The following MYO10 variants were observed in gnomAD, a reference collection of about 807,000 sequenced individuals.
MYO10 encodes myosin X, also known as unconventional myosin-X.
In MYO10, 133 loss-of-function variants were observed where a neutral mutation model predicts 257.3. The observed-to-expected ratio is 0.52, with a 90% CI of 0.45 to 0.60. MYO10 has a LOEUF of 0.60. Among genes scored for constraint, MYO10 ranks in the 20% least tolerant of loss-of-function variants. MYO10 has a pLI of 0.00. For synonymous variants in MYO10, 1,104 were observed against 1,028.6 expected (o/e 1.07, Z -1.40); for missense variants, 2,399 against 2,635.7 (o/e 0.91, Z 1.97).
At chr5:16,757,652 A>G (rs1481809592) in intron 18 of MYO10, among the ~76,000 whole-genome samples, 2 of 152,010 alleles carry the variant, frequency 1.3e-5, no homozygotes, top group African/African-American at 4.8e-5. Flanking sequence ...GAAAAAGTCT[A>G]TTTTATTTCT....
At chr5:16,773,723 T>C (rs1189155060) in intron 9 of MYO10, among the ~76,000 whole-genome samples, 2 of 150,090 alleles carry the variant, frequency 1.3e-5, no homozygotes, top group Non-Finnish European at 3.0e-5. Context: ...ATAAAAAATA[T>C]TGACACATAT....
chr5:16,880,055 C>T (rs1744714350), intron 1 of MYO10, among the ~76,000 whole-genome samples: 1 of 152,182 alleles, frequency 6.6e-6, no homozygotes, highest in Admixed American at 6.5e-5. Context: ...TGGCGCATGC[C>T]TGTAATCCCA....
chr5:16,792,132 C>CAG (rs1553996647), intron 4 of MYO10, among the ~76,000 whole-genome samples: 2,780 of 75,302 alleles, frequency 0.037, 57 homozygotes, highest in African/African-American at 0.084. Context: ...CACACACACA[C>CAG]AGAGAGAGAG....
At chr5:16,669,784 A>C (rs1257260624) in intron 39 of MYO10, among the ~76,000 whole-genome samples, 4 of 152,192 alleles carry the variant, frequency 2.6e-5, no homozygotes, top group Admixed American at 6.5e-5. Context: ...CTGTGATCAT[A>C]AAAAATGGAA....
intron 1 of MYO10, among the ~76,000 whole-genome samples, chr5:16,903,178 G>A (rs1191586683): frequency 2.0e-5 from 3 of 152,196 alleles, no homozygotes; most frequent in Non-Finnish European, 2.9e-5. Context: ...AGGCCAAGGC[G>A]GGCGGATCAT....
intron 2 of MYO10, among the ~76,000 whole-genome samples, chr5:16,836,338 A>T (rs893956353): frequency 6.6e-6 from 1 of 152,218 alleles, no homozygotes; most frequent in African/African-American, 2.4e-5. Flanking sequence ...CTCCTCCTCC[A>T]CTGTTACAGA....
chr5:16,878,405 C>T lies in MYO10; in HGVS notation c.22-698G>A, dbSNP rs983050664. On this transcript the variant is annotated intron_variant, in intron 1 of 40. Coordinates refer to ENST00000513610, the MANE Select transcript of MYO10 (RefSeq NM_012334.3). The stretch of plus-strand genomic sequence containing the variant: ...TGAACTTCAAAGTTCAGGATTGTAT[C>T]TTAAAAGATGGCAACTTCCAGATCC... Among the ~76,000 whole-genome samples the T allele has an allele frequency of 3.3e-5, 5 of 152,176 alleles. No homozygotes were observed. In the South Asian group the frequency reaches 1.0e-3, roughly 32 times the overall value.
At chr5:16,817,973 G>A in intron 3 of MYO10, 36 bp downstream of exon 3, 23 of 1,429,452 alleles carry the variant, frequency 1.6e-5, no homozygotes, top group Admixed American at 2.3e-5. Context: ...ACTCAAACGT[G>A]AGGATCTTTT....
At chr5:16,716,010 C>T (rs1013158576) in intron 19 of MYO10, among the ~76,000 whole-genome samples, 7 of 150,418 alleles carry the variant, frequency 4.7e-5, no homozygotes, top group Non-Finnish European at 4.4e-5. Flanking sequence ...GAGCTGAGAT[C>T]GCACCACTGC....
chr5:16,691,700 A>C (rs1737514780), intron 27 of MYO10, among the ~76,000 whole-genome samples: 1 of 45,208 alleles, frequency 2.2e-5, no homozygotes, highest in Non-Finnish European at 6.2e-5. Flanking sequence ...CTCTGTATCA[A>C]AAAAAAAAAA....
At position 16,704,620 on chromosome 5, in the gene MYO10, C is replaced by T. The variant is rs560184656; in HGVS notation, c.2235G>A (p.Ala745=). Residue 745 remains alanine (A), a synonymous_variant, in exon 22 of 41, where the codon GCG becomes GCA. Coordinates refer to ENST00000513610, the MANE Select transcript of MYO10 (RefSeq NM_012334.3). ...AGACATGGGCCCGAATCACCATGGC[C>T]GCGTGGCTCACTTCCTCTTCCCTCC... The part of the protein sequence containing the change: ...EKRREEEVSH[A]AMVIRAHVLG... 6.2e-6 allele frequency: 10 copies of T among 1,613,910 alleles called. No individual in the cohort carries two copies. The highest frequency in any genetic ancestry group is 4.5e-5 in the East Asian group (2 of 44,852).
chr5:16,880,998 C>T (rs777503110), intron 1 of MYO10, among the ~76,000 whole-genome samples: 1 of 152,156 alleles, frequency 6.6e-6, no homozygotes, highest in African/African-American at 2.4e-5. Context: ...CACACATACA[C>T]GCCCATGCTC....
chr5:16,827,353 G>A (rs1055469808), intron 2 of MYO10, among the ~76,000 whole-genome samples: 2 of 152,044 alleles, frequency 1.3e-5, no homozygotes, highest in Non-Finnish European at 1.5e-5. Flanking sequence ...GCACAGTCTC[G>A]ACTCACTGCA....
At position 16,671,557 on chromosome 5, in the gene MYO10, C is replaced by T; in HGVS notation, c.5310-15G>A. 1 of 1,613,840 alleles carries T rather than the reference C, an allele frequency of 6.2e-7. No homozygotes were observed. Among genetic ancestry groups the T allele is most frequent in the South Asian group, 1.1e-5 (1 of 91,046 alleles). On this transcript the variant is annotated splice_polypyrimidine_tract_variant and intron_variant, in intron 37 of 40. Coordinates refer to ENST00000513610, the MANE Select transcript of MYO10 (RefSeq NM_012334.3). ...TGGCAGCCAGCCTACAGAGAGGAGT[C>T]AAGAGAGGCTCAGAATATGAACGAG...
intron 2 of MYO10, among the ~76,000 whole-genome samples, chr5:16,822,931 C>T (rs1316433482): frequency 2.6e-5 from 4 of 151,776 alleles, no homozygotes; most frequent in Non-Finnish European, 4.4e-5. Flanking sequence ...TCGTGATCCG[C>T]CCGCCTCGGC....
intron 1 of MYO10, among the ~76,000 whole-genome samples, chr5:16,910,263 T>A (rs153410): frequency 0.38 from 58,038 of 151,984 alleles, 11,341 homozygotes; most frequent in East Asian, 0.57. Context: ...ATAAAATTTT[T>A]AAAAATCAGA....
chr5:16,916,368 T>C (rs1580147551), intron 1 of MYO10: 1 of 147,402 alleles, frequency 6.8e-6, no homozygotes, highest in South Asian at 1.7e-4. Flanking sequence ...TCTAGAAAGA[T>C]GGCTCATTTC....
intron 1 of MYO10, among the ~76,000 whole-genome samples, chr5:16,893,886 C>G (rs1215012936): frequency 1.3e-5 from 2 of 152,128 alleles, no homozygotes; most frequent in African/African-American, 4.8e-5. Flanking sequence ...CAGCCTCTCC[C>G]CAGCAGTGGG....
intron 28 of MYO10, 111 bp downstream of exon 28, chr5:16,689,713 T>A (rs916707723): frequency 3.7e-6 from 3 of 819,570 alleles, no homozygotes. Flanking sequence ...TCAAAAAAAG[T>A]CAATTAAAAT....
Sources: allele counts gnomAD v4.1 joint callset (sites outside exome capture counted in the v4.1 genomes callset), GRCh38; gene constraint gnomAD v4.1.1; transcripts MANE v1.5; gene names NCBI Gene and HGNC (gene_info 2026-07-23, HGNC 2026-07-21).